Variants in FKBP15 observed in about 807,000 individuals in gnomAD.
FKBP15 encodes the protein FK506-binding protein 15.
In FKBP15, 106 loss-of-function variants were observed where a neutral mutation model predicts 158.1. That is an observed-to-expected ratio of 0.67 (90% CI 0.57 to 0.79). The LOEUF is 0.79. Ranked by LOEUF, FKBP15 falls within the 30% of genes least tolerant of loss-of-function variation. The probability of loss-of-function intolerance (pLI) is 0.00; values close to 1 mark genes in which losing one functional copy is unlikely to be tolerated. For missense variants in FKBP15, 1,287 were observed against 1,479.1 expected, an observed-to-expected ratio of 0.87 and a Z score of 2.13; for synonymous variants, 547 against 548.6, an observed-to-expected ratio of 1.00 and a Z score of 0.04.
At position 113,169,317 on chromosome 9, in the gene FKBP15, G is replaced by C. The variant is rs376981807; in HGVS notation, c.3392C>G (p.Ser1131Cys). The stretch of plus-strand genomic sequence containing the variant: ...TGACAGCTCCTTGTGGGGACCGGTG[G>C]AGCTAGTGACATCATCTTTCTTGAG... ...PQLKKDDVTS[S>C]TGPHKELSST... The change falls in exon 26 of 28, where the codon TCC (serine) becomes TGC (cysteine). Residue 1131 changes from serine (S) to cysteine (C), a missense_variant. Transcript: ENST00000238256. The C allele has an allele frequency of 3.7e-6, 6 of 1,614,078 alleles. No individual in the cohort carries two copies. The highest frequency in any genetic ancestry group is 1.3e-5 in the African/African-American group (1 of 75,070).
chr9:113,180,316 G>A (rs1289365013), intron 19 of FKBP15, among the ~76,000 whole-genome samples: 1 of 152,040 alleles, frequency 6.6e-6, no homozygotes, highest in East Asian at 1.9e-4. Flanking sequence ...ATTTTTGAGT[G>A]GAAGGATTTA....
At chr9:113,172,183 C>T (rs1386071067) in intron 23 of FKBP15, among the ~76,000 whole-genome samples, 1 of 152,094 alleles carries the variant, frequency 6.6e-6, no homozygotes, top group Non-Finnish European at 1.5e-5. Context: ...TGAACTCATC[C>T]TTTTTTATGG....
intron 12 of FKBP15, among the ~76,000 whole-genome samples, chr9:113,189,948 T>G (rs184471539): frequency 7.9e-5 from 12 of 152,296 alleles, no homozygotes; most frequent in Admixed American, 3.3e-4. Context: ...TTTCTAAGCA[T>G]AATGTCAAAA....
intron 19 of FKBP15, among the ~76,000 whole-genome samples, chr9:113,181,973 C>T (rs894702826): frequency 5.9e-5 from 9 of 152,044 alleles, no homozygotes; most frequent in Non-Finnish European, 1.3e-4. Flanking sequence ...CAGGGCTGTG[C>T]AGGATGAGGC....
At position 113,173,527 on chromosome 9, in the gene FKBP15, G is replaced by C; in HGVS notation, c.2458C>G (p.His820Asp). 2 of 1,613,980 alleles carry C rather than the reference G, an allele frequency of 1.2e-6. No homozygotes were observed. The highest frequency in any genetic ancestry group is 1.7e-6 in the Non-Finnish European group (2 of 1,179,878). The change falls in exon 23 of 28, where the codon CAC becomes GAC. Residue 820 changes from histidine to aspartate, a missense_variant. By Grantham distance (81) the His-to-Asp change is moderately conservative. Coordinates refer to ENST00000238256, the MANE Select transcript of FKBP15 (RefSeq NM_015258.2). The stretch of plus-strand genomic sequence containing the variant: ...CACACCTCCTGGTACTGCTGCAGGT[G>C]CTCATCCTTGGCGGAGGCCAACAAA... ...EHLLASAKDE[H>D]LQQYQEVCAQ...
Position 113,199,974 on chromosome 9 carries a change from A to C in FKBP15, c.499-11T>G. The stretch of plus-strand genomic sequence containing the variant: ...CTTAGCAATGCACACCTGCAAGACA[A>C]AATCAAAGCAGCATAAATGTAGTTT... On this transcript the variant is annotated splice_polypyrimidine_tract_variant and intron_variant, in intron 6 of 27. Transcript: ENST00000238256. 6.2e-7 allele frequency: 1 copy of C among 1,607,856 alleles called. No homozygotes were observed. Among genetic ancestry groups the C allele is most frequent in the African/African-American group, 1.3e-5 (1 of 74,836 alleles).
chr9:113,187,884 A>G lies in FKBP15; in HGVS notation c.1292T>C (p.Val431Ala), dbSNP rs1245074780. 3 of 1,613,688 alleles carry G rather than the reference A, an allele frequency of 1.9e-6. No individual in the cohort carries two copies. Among genetic ancestry groups the G allele is most frequent in the Non-Finnish European group, 2.5e-6 (3 of 1,179,738 alleles). ...QMTSQAPQPS[V>A]TGLQAPSAAL... ...AGCAGAAGGTGCCTGGAGCCCAGTA[A>G]CAGATGGCTGAGGTGCTAAGATAAA... Residue 431 changes from valine (V) to alanine (A), a missense_variant, in exon 14 of 28, where the codon GTT (valine) becomes GCT (alanine). By Grantham distance (64) the Val-to-Ala change is moderately conservative. Coordinates refer to ENST00000238256, the MANE Select transcript of FKBP15 (RefSeq NM_015258.2).
chr9:113,196,380 ACTTT>A (rs1483221973), intron 9 of FKBP15, among the ~76,000 whole-genome samples: 119 of 127,474 alleles, frequency 9.3e-4, no homozygotes, highest in Non-Finnish European at 1.5e-3. Context: ...TGAAGAAGTG[ACTTT>A]TTTTTTTTTT....
chr9:113,210,129 C>T (rs1224523326), intron 2 of FKBP15, among the ~76,000 whole-genome samples: 1 of 152,214 alleles, frequency 6.6e-6, no homozygotes, highest in South Asian at 2.1e-4. Context: ...GCCTTGCTTT[C>T]GAACCTCTCC....
chr9:113,214,158 C>T (rs1343765970), intron 1 of FKBP15, among the ~76,000 whole-genome samples: 1 of 152,152 alleles, frequency 6.6e-6, no homozygotes, highest in Non-Finnish European at 1.5e-5. Context: ...AGAAACCTGG[C>T]TAATTTCTAT....
chr9:113,167,323 C>A (rs1457606387), intron 27 of FKBP15, among the ~76,000 whole-genome samples: 1 of 152,064 alleles, frequency 6.6e-6, no homozygotes, highest in Non-Finnish European at 1.5e-5. Flanking sequence ...TACATGTTAA[C>A]TGGACAGTAT....
At chr9:113,211,712 T>C (rs1564189466) in intron 1 of FKBP15, 120 bp from the exon 2 acceptor site, 2 of 536,564 alleles carry the variant, frequency 3.7e-6, no homozygotes, top group Non-Finnish European at 6.5e-6. Context: ...CACCATTCAA[T>C]ACTAGAAACA....
In FKBP15 at chr9:113,211,471, A is replaced by C. The variant is rs1330639170; in HGVS notation, c.169+6T>G. 6.2e-7 allele frequency: 1 copy of C among 1,601,266 alleles called. No individual in the cohort carries two copies. Among genetic ancestry groups the C allele is most frequent in the South Asian group, 1.1e-5 (1 of 88,442 alleles). On this transcript the variant is annotated splice_donor_region_variant and intron_variant, in intron 2 of 27. Transcript: ENST00000238256. ...ACCTCGCTCGGCTAATACACTCTTA[A>C]CTTACCTGTTGCTGCCGTTCCCTGG...
intron 14 of FKBP15, chr9:113,186,868 A>C (rs1009372139): frequency 6.4e-6 from 1 of 155,404 alleles, no homozygotes; most frequent in Non-Finnish European, 1.4e-5. Flanking sequence ...GGAAGATAAT[A>C]ATATCACTTC....
intron 2 of FKBP15, among the ~76,000 whole-genome samples, chr9:113,208,265 A>C (rs76778382): frequency 0.33 from 50,627 of 152,004 alleles, 8,689 homozygotes; most frequent in African/African-American, 0.38. Flanking sequence ...TGAGCCTGGG[A>C]GGCAGAGGTT....
At chr9:113,205,201 TAAA>T (rs1233455520) in intron 4 of FKBP15, among the ~76,000 whole-genome samples, 4 of 152,124 alleles carry the variant, frequency 2.6e-5, no homozygotes, top group African/African-American at 9.7e-5. Flanking sequence ...TCACCAAAAT[TAAA>T]AACTTTTGTA....
At position 113,184,488 on chromosome 9, in the gene FKBP15, G is replaced by T; in HGVS notation, c.1609-89C>A. The stretch of plus-strand genomic sequence containing the variant: ...AAGATTTGACCCTGTTGTTAAGGGG[G>T]TTAATGAGTTCCTGGGACAATCTCT... On this transcript the variant is annotated intron_variant, in intron 16 of 27. Coordinates refer to ENST00000238256, the MANE Select transcript of FKBP15 (RefSeq NM_015258.2). This position sits in a 1 kb window ranked among gnomAD's most constrained non-coding sequence, Gnocchi z 4.5. 1.9e-6 allele frequency: 2 copies of T among 1,077,072 alleles called. No homozygotes were observed. Among genetic ancestry groups the T allele is most frequent in the African/African-American group, 1.6e-5 (1 of 63,556 alleles). The allele number at this position is 1,077,072 out of a possible 1,614,324, so 66.7% of individuals were successfully genotyped here. A position where few individuals can be genotyped will look rare whatever the true frequency, so the allele number is the denominator to read the frequency against.
chr9:113,220,144 C>A (rs1055845794), intron 1 of FKBP15, among the ~76,000 whole-genome samples: 1 of 152,236 alleles, frequency 6.6e-6, no homozygotes, highest in Admixed American at 6.5e-5. Flanking sequence ...CATGGCCCAA[C>A]AGATCTGGAA....
chr9:113,209,442 T>C (rs1311885942), intron 2 of FKBP15, among the ~76,000 whole-genome samples: 1 of 152,200 alleles, frequency 6.6e-6, no homozygotes, highest in Non-Finnish European at 1.5e-5. Flanking sequence ...CATAGCCTAC[T>C]AGAAATCTGG....
Sources: allele counts gnomAD v4.1 joint callset (sites outside exome capture counted in the v4.1 genomes callset), GRCh38; gene constraint gnomAD v4.1.1; non-coding constraint Gnocchi (gnomAD v3.1); transcripts MANE v1.5; gene names NCBI Gene and HGNC (gene_info 2026-07-23, HGNC 2026-07-21).